The following ARHGAP42 variants were observed in gnomAD, a reference collection of about 807,000 sequenced individuals.
The protein encoded by ARHGAP42 is rho GTPase-activating protein 42.
A neutral mutation model predicts 125.0 loss-of-function variants in ARHGAP42; 63 were observed. The observed-to-expected ratio is 0.50, with a 90% confidence interval of 0.41 to 0.62. ARHGAP42 has a LOEUF of 0.62. Among genes scored for constraint, ARHGAP42 ranks in the 20% least tolerant of loss-of-function variants. The pLI, the probability that ARHGAP42 is intolerant of heterozygous loss-of-function variation, is 0.00. For missense variants in ARHGAP42, 766 were observed against 1,024.2 expected (o/e 0.75, Z 3.44); for synonymous variants, 339 against 351.0 (o/e 0.97, Z 0.38).
At position 100,920,423 on chromosome 11, in the gene ARHGAP42, C is replaced by CT. The variant is rs928063745; in HGVS notation, c.487-1062dup. Among the ~76,000 whole-genome samples, 253 of 150,794 alleles carry CT rather than the reference C, an allele frequency of 1.7e-3. 1 individual carries two copies. The highest frequency in any genetic ancestry group is 5.4e-3 in the African/African-American group (222 of 41,088). On this transcript the variant is annotated intron_variant, in intron 5 of 23. Transcript: ENST00000298815. The stretch of plus-strand genomic sequence containing the variant: ...TAACTGGAAGTCTTACCAATAAAAT[C>CT]TTTTTTTTTCAAAAATTTTGTTTGT...
At position 100,776,483 on chromosome 11, in the gene ARHGAP42, C is replaced by A. The variant is rs983812299; in HGVS notation, c.250+6045C>A. On this transcript the variant is annotated intron_variant, in intron 2 of 23. Transcript: ENST00000298815. ...AGAAAATTCCTGTGGTAGTGACAGG[C>A]AATACACTACCATTTGTCAACTAAG... Among the ~76,000 whole-genome samples, 10 of 152,206 alleles carry A rather than the reference C, an allele frequency of 6.6e-5. 1 individual carries two copies. In the East Asian group the frequency reaches 1.5e-3, roughly 24 times the overall value.
In ARHGAP42 at chr11:100,959,200, C is replaced by T. The variant is rs113490110; in HGVS notation, c.1163-683C>T. Among the ~76,000 whole-genome samples, 1,140 of 151,914 alleles carry T rather than the reference C, an allele frequency of 7.5e-3. 7 individuals are homozygous for T. The highest frequency in any genetic ancestry group is 0.012 in the Non-Finnish European group (832 of 67,910). The stretch of plus-strand genomic sequence containing the variant: ...TTAAATAAGTAATTTAATTTGACCT[C>T]GCCCCAAAACCCTTTAAAAAAATTA... On this transcript the variant is annotated intron_variant, in intron 12 of 23. Transcript: ENST00000298815.
At chr11:100,837,114 TATTCTTCACC>T (rs1186664905) in intron 3 of ARHGAP42, among the ~76,000 whole-genome samples, 1 of 152,178 alleles carries the variant, frequency 6.6e-6, no homozygotes, top group East Asian at 1.9e-4. Flanking sequence ...AACTTTCCTA[TATTCTTCACC>T]ATTTTGCCAA....
chr11:100,740,625 A>G (rs1862164210), intron 1 of ARHGAP42, among the ~76,000 whole-genome samples: 1 of 152,208 alleles, frequency 6.6e-6, no homozygotes, highest in South Asian at 2.1e-4. Flanking sequence ...CTTGGAAAGC[A>G]GAGTTTGATG....
At chr11:100,705,930 G>A (rs977522091) in intron 1 of ARHGAP42, among the ~76,000 whole-genome samples, 2 of 150,988 alleles carry the variant, frequency 1.3e-5, no homozygotes, top group Non-Finnish European at 2.9e-5. Flanking sequence ...TCCTGAATGT[G>A]CCTTGCAGTG....
intron 4 of ARHGAP42, among the ~76,000 whole-genome samples, chr11:100,861,601 A>C (rs746072276): frequency 6.6e-6 from 1 of 152,200 alleles, no homozygotes. Context: ...GACAACAGTA[A>C]GAAGTGGGTT....
intron 1 of ARHGAP42, among the ~76,000 whole-genome samples, chr11:100,693,128 G>C (rs1030498686): frequency 2.7e-5 from 4 of 150,034 alleles, no homozygotes; most frequent in African/African-American, 9.8e-5. Flanking sequence ...CATTGTTTTA[G>C]GATATTTTTG....
intron 4 of ARHGAP42, among the ~76,000 whole-genome samples, chr11:100,900,794 T>G (rs956969667): frequency 6.6e-6 from 1 of 152,200 alleles, no homozygotes; most frequent in African/African-American, 2.4e-5. Context: ...CTGTTTATTC[T>G]AGTTAGCCAT....
Position 100,921,483 on chromosome 11 carries a change from T to G in ARHGAP42, c.487-11T>G. On this transcript the variant is annotated splice_polypyrimidine_tract_variant and intron_variant, in intron 5 of 23. Transcript: ENST00000298815. Reference sequence around the variant, plus strand: ...AACCATCAGTAATCACCCTCTGGTTTTTCTCTTTAGGCAGATACACAAATT... The same window carrying G: ...AACCATCAGTAATCACCCTCTGGTTGTTCTCTTTAGGCAGATACACAAATT... 1 of 1,526,160 alleles carries G rather than the reference T, an allele frequency of 6.6e-7. No homozygotes were observed. The highest frequency in any genetic ancestry group is 8.9e-7 in the Non-Finnish European group (1 of 1,129,404). 94.5% of individuals were successfully genotyped at this position (1,526,160 alleles called of 1,614,324 possible). A position where few individuals can be genotyped will look rare whatever the true frequency, so the allele number is the denominator to read the frequency against.
intron 2 of ARHGAP42, among the ~76,000 whole-genome samples, chr11:100,773,346 AT>A (rs970836896): frequency 6.6e-6 from 1 of 152,058 alleles, no homozygotes; most frequent in Admixed American, 6.6e-5. Context: ...ATAATTTGGT[AT>A]TTTTTTCTTT....
chr11:100,714,634 C>T (rs1034736216), intron 1 of ARHGAP42, among the ~76,000 whole-genome samples: 1 of 152,150 alleles, frequency 6.6e-6, no homozygotes, highest in African/African-American at 2.4e-5. Flanking sequence ...AGGTAGTAGA[C>T]ATCAGTTAGC....
chr11:100,933,301 C>A, intron 7 of ARHGAP42, 41 bp downstream of exon 7: 1 of 1,386,098 alleles, frequency 7.2e-7, no homozygotes, highest in Non-Finnish European at 9.8e-7. Flanking sequence ...AGCAAATCTG[C>A]AAATCTGATT....
intron 3 of ARHGAP42, among the ~76,000 whole-genome samples, chr11:100,815,126 T>G (rs1175512246): frequency 6.6e-6 from 1 of 152,238 alleles, no homozygotes; most frequent in East Asian, 1.9e-4. Context: ...TCCATTAAAT[T>G]GTATAACCTC....
At chr11:100,818,795 G>A (rs1220651384) in intron 3 of ARHGAP42, among the ~76,000 whole-genome samples, 1 of 151,986 alleles carries the variant, frequency 6.6e-6, no homozygotes, top group Non-Finnish European at 1.5e-5. Flanking sequence ...TTTTGTCTAT[G>A]GGAAGCTGTC....
intron 1 of ARHGAP42, among the ~76,000 whole-genome samples, chr11:100,767,686 C>T (rs1290244500): frequency 2.0e-5 from 3 of 152,128 alleles, no homozygotes; most frequent in East Asian, 1.9e-4. Flanking sequence ...GGATATCCAT[C>T]GAAGGGTTCC....
In ARHGAP42 at chr11:100,798,909, T is replaced by G. The variant is rs140979922; in HGVS notation, c.312+3743T>G. Among the ~76,000 whole-genome samples the G allele has an allele frequency of 3.2e-3, 489 of 152,290 alleles. 5 individuals carry two copies. The highest frequency in any genetic ancestry group is 0.011 in the African/African-American group (442 of 41,554). ...AGGTGCCCTTGACTCAGAGGGTACA[T>G]TTCCTGAGCTGGGGAAGGATCACAC... On this transcript the variant is annotated intron_variant, in intron 3 of 23. Transcript: ENST00000298815.
intron 1 of ARHGAP42, among the ~76,000 whole-genome samples, chr11:100,715,062 A>G (rs1453507380): frequency 6.6e-6 from 1 of 151,722 alleles, no homozygotes; most frequent in Non-Finnish European, 1.5e-5. Flanking sequence ...AAAAAAAAAA[A>G]AAAAAAAAAA....
rs748479604 is a variant in ARHGAP42 at position 100,976,874 on chromosome 11, C to G, written c.2296C>G (p.Pro766Ala). 6.4e-7 allele frequency: 1 copy of G among 1,551,546 alleles called. No homozygotes were observed. Residue 766 changes from proline (P) to alanine (A), a missense_variant, in exon 21 of 24, where the codon CCC becomes GCC. By Grantham distance (27) the Pro-to-Ala change is conservative (BLOSUM62 -1). Around this residue, in one of 3 missense-constraint regions of ARHGAP42, gnomAD observed 308 missense variants for 369.7 expected, o/e 0.83. Coordinates refer to ENST00000298815, the MANE Select transcript of ARHGAP42 (RefSeq NM_152432.4). ...SLTSVGSKET[P>A]KASPNPDLPP... ...AACTTCTGTAGGTTCCAAGGAGACA[C>G]CCAAAGCTTCACCAAACCCAGACCT... is the stretch of plus-strand genomic sequence containing the variant.
intron 12 of ARHGAP42, among the ~76,000 whole-genome samples, chr11:100,954,643 T>C (rs1420367431): frequency 2.6e-5 from 4 of 152,156 alleles, no homozygotes; most frequent in African/African-American, 7.2e-5. Flanking sequence ...TAGGTTATCA[T>C]CCTCCTTCTT....
Sources: gnomAD v4.1 joint callset for allele counts (sites outside exome capture counted in the v4.1 genomes callset) on GRCh38, gnomAD v4.1.1 for gene constraint, gnomAD v4.1.1 regional missense constraint, MANE v1.5 for transcripts, NCBI Gene and HGNC (gene_info 2026-07-23, HGNC 2026-07-21) for gene names.